The following NTRK2 variants were observed in gnomAD, a reference collection of about 807,000 sequenced individuals.
NTRK2 encodes neurotrophic receptor tyrosine kinase 2, also known as BDNF/NT-3 growth factors receptor.
In NTRK2, 13 loss-of-function variants were observed where a neutral mutation model predicts 94.5. The observed-to-expected ratio is 0.14, with a 90% confidence interval of 0.09 to 0.22. The LOEUF is 0.22. NTRK2 is among the 10% of genes least tolerant of loss of function. The pLI is 1.00. For synonymous variants in NTRK2, 372 were observed against 407.4 expected, an observed-to-expected ratio of 0.91 and a Z score of 1.05; for missense variants, 639 against 1,071.2, an observed-to-expected ratio of 0.60 and a Z score of 5.63.
intron 17 of NTRK2, among the ~76,000 whole-genome samples, chr9:84,984,984 A>C (rs1280139611): frequency 6.6e-6 from 1 of 152,234 alleles, no homozygotes; most frequent in Non-Finnish European, 1.5e-5. Context: ...ATAGACTATG[A>C]GTGTGACTTT....
At chr9:84,683,744 A>T (rs1324459546) in intron 2 of NTRK2, among the ~76,000 whole-genome samples, 1 of 152,224 alleles carries the variant, frequency 6.6e-6, no homozygotes, top group African/African-American at 2.4e-5. Flanking sequence ...TTCTGAGACT[A>T]GATCCTTGAG....
chr9:84,697,227 T>C (rs1453032466), intron 2 of NTRK2, among the ~76,000 whole-genome samples: 1 of 152,056 alleles, frequency 6.6e-6, no homozygotes, highest in Non-Finnish European at 1.5e-5. Context: ...GAAGCTCAAT[T>C]TTCTGAGAAG....
In NTRK2 at chr9:84,671,591, A is replaced by G. The variant is rs562531833; in HGVS notation, c.212+631A>G. Among the ~76,000 whole-genome samples the G allele has an allele frequency of 1.8e-4, 27 of 152,342 alleles. No homozygotes were observed. The South Asian group carries it at 5.6e-3, about 32-fold the overall frequency. ...AAAAAAATATGATAGTTGGAAGCCT[A>G]AAAGCCTGGTCTAATTTAATTTGGA... On this transcript the variant is annotated intron_variant, in intron 2 of 18. Transcript: ENST00000277120.
At chr9:84,930,756 G>A (rs1202620624) in intron 14 of NTRK2, among the ~76,000 whole-genome samples, 1 of 152,154 alleles carries the variant, frequency 6.6e-6, no homozygotes, top group Non-Finnish European at 1.5e-5. Flanking sequence ...GATAACTAGA[G>A]ACTTCCTGTG....
chr9:84,753,168 A>AT (rs995956405), intron 12 of NTRK2, among the ~76,000 whole-genome samples: 2 of 152,098 alleles, frequency 1.3e-5, no homozygotes, highest in Non-Finnish European at 2.9e-5. Context: ...GGGGCTTAAA[A>AT]TAACTCAAAA....
intron 12 of NTRK2, among the ~76,000 whole-genome samples, chr9:84,854,189 C>G (rs554829651): frequency 6.6e-6 from 1 of 152,052 alleles, no homozygotes; most frequent in East Asian, 1.9e-4. Flanking sequence ...GGGTAAATGA[C>G]CCAGCTTCCT....
chr9:85,025,681 A>G lies in NTRK2; in HGVS notation c.*4244A>G, dbSNP rs1833000343. The stretch of plus-strand genomic sequence containing the variant: ...ATACCCTCAATTCTCTTGCTTCCCC[A>G]TTTTCTTTTTCATCCCCTGTCTCAG... On this transcript the variant is annotated 3_prime_UTR_variant, in exon 19 of 19. Coordinates refer to ENST00000277120, the MANE Select transcript of NTRK2 (RefSeq NM_006180.6). 1 of 232,594 alleles carries G rather than the reference A, an allele frequency of 4.3e-6. No individual in the cohort carries two copies. The highest frequency in any genetic ancestry group is 1.8e-4 in the South Asian group (1 of 5,498). 14.4% of individuals were successfully genotyped at this position (232,594 alleles called of 1,614,324 possible).
intron 17 of NTRK2, among the ~76,000 whole-genome samples, chr9:84,975,365 A>G (rs1182935708): frequency 6.6e-6 from 1 of 152,190 alleles, no homozygotes; most frequent in Admixed American, 6.5e-5. Flanking sequence ...ACCAAGATGG[A>G]GGAAAAGATG....
chr9:84,696,469 A>G (rs1342105962), intron 2 of NTRK2, among the ~76,000 whole-genome samples: 1 of 152,146 alleles, frequency 6.6e-6, no homozygotes, highest in Non-Finnish European at 1.5e-5. Flanking sequence ...CTGCATGAGA[A>G]GTGAAGCTGT....
intron 17 of NTRK2, among the ~76,000 whole-genome samples, chr9:85,003,039 G>A (rs1830497024): frequency 6.6e-6 from 1 of 152,154 alleles, no homozygotes; most frequent in Non-Finnish European, 1.5e-5. Flanking sequence ...CTACTAGAAG[G>A]CTGGACTCTG....
chr9:84,815,485 C>A, intron 12 of NTRK2: 1 of 1,042,022 alleles, frequency 9.6e-7, no homozygotes, highest in East Asian at 5.7e-5. Flanking sequence ...TTGCTGTAAT[C>A]CAGAGGCAGC....
At chr9:84,769,702 G>A (rs2066348250) in intron 12 of NTRK2, among the ~76,000 whole-genome samples, 2 of 152,210 alleles carry the variant, frequency 1.3e-5, no homozygotes, top group Non-Finnish European at 2.9e-5. Context: ...AGCAGGGTCT[G>A]TGCCCTCCAT....
At chr9:84,995,618 C>A (rs943987885) in intron 17 of NTRK2, among the ~76,000 whole-genome samples, 1 of 152,080 alleles carries the variant, frequency 6.6e-6, no homozygotes, top group Admixed American at 6.5e-5. Flanking sequence ...CTTTCTGGGC[C>A]CTAGTTACTG....
At chr9:84,848,647 A>G (rs10868229) in intron 12 of NTRK2, among the ~76,000 whole-genome samples, 53,476 of 152,132 alleles carry the variant, frequency 0.35, 11,683 homozygotes, top group South Asian at 0.51. Flanking sequence ...GTCTGAGACT[A>G]TAGAATCAGA....
chr9:84,881,370 C>T (rs2132211164), intron 14 of NTRK2, among the ~76,000 whole-genome samples: 1 of 152,242 alleles, frequency 6.6e-6, no homozygotes, highest in South Asian at 2.1e-4. Flanking sequence ...AACGTGTAAT[C>T]AGGAAGTCAC....
chr9:84,969,942 A>T (rs1446655271), intron 17 of NTRK2, among the ~76,000 whole-genome samples: 2 of 152,224 alleles, frequency 1.3e-5, no homozygotes, highest in African/African-American at 4.8e-5. Flanking sequence ...ACTCTAGAAC[A>T]TTGGAAGCAG....
intron 14 of NTRK2, among the ~76,000 whole-genome samples, chr9:84,892,779 G>T (rs953141374): frequency 2.6e-5 from 4 of 152,136 alleles, no homozygotes; most frequent in African/African-American, 9.7e-5. Context: ...AAAATTAGCT[G>T]GGTGTGGTGG....
chr9:84,968,536 C>A (rs554268502), intron 17 of NTRK2, among the ~76,000 whole-genome samples: 9 of 152,296 alleles, frequency 5.9e-5, no homozygotes, highest in South Asian at 4.1e-4. Context: ...TTTTGTCCAG[C>A]CTACCAGCTC....
chr9:84,857,487 T>A (rs2075122970), intron 12 of NTRK2, among the ~76,000 whole-genome samples: 1 of 152,154 alleles, frequency 6.6e-6, no homozygotes, highest in South Asian at 2.1e-4. Context: ...CTTGTGAAAT[T>A]TAGTGTTAAA....
Sources: gnomAD v4.1 joint callset for allele counts (sites outside exome capture counted in the v4.1 genomes callset) on GRCh38, gnomAD v4.1.1 for gene constraint, MANE v1.5 for transcripts, NCBI Gene and HGNC (gene_info 2026-07-23, HGNC 2026-07-21) for gene names.